Variants in ACSM1 observed in about 807,000 individuals in gnomAD.
ACSM1 encodes the protein acyl-CoA synthetase medium chain family member 1.
Under a neutral mutation model 75.8 loss-of-function variants are expected in ACSM1, and 79 were observed. That is an observed-to-expected ratio of 1.04 (90% CI 0.87 to 1.26). ACSM1 has a LOEUF of 1.26. Among genes scored for constraint, ACSM1 ranks in the 50% most tolerant of loss-of-function variants. The pLI is 0.00. For missense variants in ACSM1, 676 were observed against 720.1 expected (o/e 0.94, Z 0.70); for synonymous variants, 279 against 265.8 (o/e 1.05, Z -0.48).
chr16:20,633,179 A>G (rs1185910606), intron 10 of ACSM1, among the ~76,000 whole-genome samples: 3 of 152,240 alleles, frequency 2.0e-5, no homozygotes, highest in African/African-American at 7.2e-5. Flanking sequence ...CAGGCAAGAA[A>G]GAAAAATAAG....
intron 12 of ACSM1, among the ~76,000 whole-genome samples, chr16:20,625,017 G>A (rs13333306): frequency 2.6e-3 from 391 of 152,186 alleles, no homozygotes; most frequent in African/African-American, 9.1e-3. Context: ...CACCGTGCCC[G>A]GCCTAATAAC....
chr16:20,624,998 G>A (rs1026241957), intron 12 of ACSM1, among the ~76,000 whole-genome samples: 11 of 152,166 alleles, frequency 7.2e-5, no homozygotes, highest in African/African-American at 2.2e-4. Context: ...TGGAATTACA[G>A]GCATGAGCCA....
At chr16:20,677,123 G>C (rs1333983182) in intron 4 of ACSM1, among the ~76,000 whole-genome samples, 4 of 151,746 alleles carry the variant, frequency 2.6e-5, no homozygotes, top group African/African-American at 7.3e-5. Context: ...AGGTTCTGCT[G>C]CATTTAGATC....
chr16:20,651,916 C>T (rs1025116009), intron 7 of ACSM1, among the ~76,000 whole-genome samples: 1 of 151,936 alleles, frequency 6.6e-6, no homozygotes, highest in Non-Finnish European at 1.5e-5. Context: ...CATGTTTATT[C>T]CCACAGAATA....
chr16:20,671,137 C>T (rs1007996616), intron 5 of ACSM1, among the ~76,000 whole-genome samples: 2 of 152,042 alleles, frequency 1.3e-5, no homozygotes, highest in African/African-American at 4.8e-5. Flanking sequence ...AGGTGAGGCT[C>T]TGTCATCTCA....
chr16:20,697,170 T>C (rs2079694163), intron 1 of ACSM1, among the ~76,000 whole-genome samples: 2 of 152,186 alleles, frequency 1.3e-5, no homozygotes, highest in African/African-American at 4.8e-5. Context: ...TCTCCTGGGC[T>C]ACAGTCATCC....
At chr16:20,638,606 A>T (rs2017871045) in intron 8 of ACSM1, among the ~76,000 whole-genome samples, 2 of 152,236 alleles carry the variant, frequency 1.3e-5, no homozygotes, top group South Asian at 4.1e-4. Context: ...TATTTACCTT[A>T]TCACAATCTG....
intron 10 of ACSM1, among the ~76,000 whole-genome samples, chr16:20,633,262 G>A (rs1190853207): frequency 1.3e-5 from 2 of 152,148 alleles, no homozygotes; most frequent in Middle Eastern, 3.4e-3. Flanking sequence ...TAGAAAACCC[G>A]AAGAATTTTA....
At chr16:20,658,535 T>C (rs2019113640) in intron 7 of ACSM1, among the ~76,000 whole-genome samples, 1 of 152,162 alleles carries the variant, frequency 6.6e-6, no homozygotes, top group African/African-American at 2.4e-5. Flanking sequence ...CCTAGAACAA[T>C]TAATTGGCTA....
At chr16:20,637,852 A>C (rs1213988852) in intron 8 of ACSM1, among the ~76,000 whole-genome samples, 1 of 152,194 alleles carries the variant, frequency 6.6e-6, no homozygotes, top group East Asian at 1.9e-4. Context: ...GGGGCTGTTG[A>C]GCAGTGATAG....
At chr16:20,693,043 G>A (rs1728243271) in intron 1 of ACSM1, among the ~76,000 whole-genome samples, 2 of 152,008 alleles carry the variant, frequency 1.3e-5, no homozygotes, top group Non-Finnish European at 2.9e-5. Context: ...GGAAGTGCCT[G>A]CCTGTAGTCC....
intron 1 of ACSM1, among the ~76,000 whole-genome samples, chr16:20,697,039 C>G (rs563284180): frequency 4.6e-5 from 7 of 152,124 alleles, no homozygotes; most frequent in Non-Finnish European, 8.8e-5. Flanking sequence ...TGTTGAGGTA[C>G]CTTTTAACTC....
At chr16:20,677,596 T>G (rs1176015205) in intron 4 of ACSM1, among the ~76,000 whole-genome samples, 2 of 152,166 alleles carry the variant, frequency 1.3e-5, no homozygotes, top group African/African-American at 4.8e-5. Flanking sequence ...CAGAGAGATT[T>G]GACAGATAGG....
At chr16:20,659,442 A>G (rs1354013445) in intron 7 of ACSM1, among the ~76,000 whole-genome samples, 1 of 152,148 alleles carries the variant, frequency 6.6e-6, no homozygotes, top group Non-Finnish European at 1.5e-5. Flanking sequence ...CCAAATTCCT[A>G]TCTAAGGTGC....
Position 20,691,231 on chromosome 16 carries a change from A to G in ACSM1, c.-43T>C, listed in dbSNP as rs768383966. 6.0e-5 allele frequency: 88 copies of G among 1,476,294 alleles called. No individual in the cohort carries two copies. The highest frequency in any genetic ancestry group is 7.9e-5 in the Non-Finnish European group (88 of 1,108,794). The allele number at this position is 1,476,294 out of a possible 1,614,324, so 91.4% of individuals were successfully genotyped here. A position where few individuals can be genotyped will look rare whatever the true frequency, so the allele number is the denominator to read the frequency against. ...AAACCAGGCACAGAGTTCTCAAGTC[A>G]CCACCTGCCTTGGGAAGAGATGGCT... is the stretch of plus-strand genomic sequence containing the variant. On this transcript the variant is annotated 5_prime_UTR_variant, in exon 2 of 14. Transcript: ENST00000520010.
rs559368393 is a variant in ACSM1, at chr16:20,648,345, C to T, written c.993-7761G>A. Among the ~76,000 whole-genome samples, 30 of 152,304 alleles carry T rather than the reference C, an allele frequency of 2.0e-4. No homozygotes were observed. Among genetic ancestry groups the T allele is most frequent in the African/African-American group, 7.0e-4 (29 of 41,558 alleles). The stretch of plus-strand genomic sequence containing the variant: ...ACTCAACCTGATTTACCAACATAAC[C>T]TGTTTCTGGCCATGCTCTCAGTCTG... On this transcript the variant is annotated intron_variant, in intron 7 of 13. Transcript: ENST00000520010. This position sits in a 1 kb window ranked among gnomAD's most constrained non-coding sequence, Gnocchi z 4.2.
At chr16:20,629,055 C>CTGA (rs766652382) in intron 10 of ACSM1, among the ~76,000 whole-genome samples, 15 of 152,256 alleles carry the variant, frequency 9.9e-5, no homozygotes, top group South Asian at 6.2e-4. Flanking sequence ...TAGTTTAGTG[C>CTGA]TGATATGCTT....
intron 1 of ACSM1, among the ~76,000 whole-genome samples, chr16:20,693,151 C>T (rs1051732126): frequency 1.4e-4 from 20 of 145,766 alleles, no homozygotes; most frequent in Admixed American, 6.9e-4. Flanking sequence ...GCCTGGGCAA[C>T]AGAGCAAAAT....
At chr16:20,668,064 T>C (rs1192958053) in intron 6 of ACSM1, among the ~76,000 whole-genome samples, 1 of 152,088 alleles carries the variant, frequency 6.6e-6, no homozygotes, top group Non-Finnish European at 1.5e-5. Context: ...TTGGGTACTA[T>C]ATGCACTAGC....
Sources: allele counts gnomAD v4.1 joint callset (sites outside exome capture counted in the v4.1 genomes callset), GRCh38; gene constraint gnomAD v4.1.1; non-coding constraint Gnocchi (gnomAD v3.1); transcripts MANE v1.5; gene names NCBI Gene and HGNC (gene_info 2026-07-23, HGNC 2026-07-21).